The following BMAL2 variants were observed in gnomAD, a reference collection of about 807,000 sequenced individuals.
The protein encoded by BMAL2 is basic helix-loop-helix ARNT-like protein 2.
chr12:27,392,154 A>G, the BMAL2 span, among the ~76,000 whole-genome samples: 1 of 152,226 alleles, frequency 6.6e-6, no homozygotes, highest in African/African-American at 2.4e-5. Context: ...TAACTCAACT[A>G]TGTGACTTAA....
the BMAL2 span, chr12:27,418,320 G>T: frequency 3.1e-5 from 19 of 622,694 alleles, no homozygotes; most frequent in Middle Eastern, 5.2e-4. Flanking sequence ...GTTTTTTTCA[G>T]TTGAGCACAT....
At chr12:27,407,825 A>G in the BMAL2 span, among the ~76,000 whole-genome samples, 1 of 152,180 alleles carries the variant, frequency 6.6e-6, no homozygotes, top group Admixed American at 6.5e-5. Flanking sequence ...TGAAAAGATC[A>G]AAAAAATTGA....
chr12:27,355,086 C>T, the BMAL2 span, among the ~76,000 whole-genome samples: 4 of 152,232 alleles, frequency 2.6e-5, no homozygotes, highest in Non-Finnish European at 2.9e-5. Context: ...TTTATTTGAG[C>T]CTCATTGCCA....
chr12:27,420,432 A>T, the BMAL2 span: 5 of 1,613,888 alleles, frequency 3.1e-6, no homozygotes, highest in East Asian at 1.1e-4. Flanking sequence ...GCCCTATGTG[A>T]CAATGATGAC....
At chr12:27,337,113 C>G in the BMAL2 span, among the ~76,000 whole-genome samples, 100 of 152,128 alleles carry the variant, frequency 6.6e-4, 3 homozygotes, top group East Asian at 0.013. Context: ...TTTCTCTAGT[C>G]TTTAATCTTA....
the BMAL2 span, among the ~76,000 whole-genome samples, chr12:27,354,185 G>A: frequency 0.39 from 59,427 of 151,970 alleles, 12,255 homozygotes; most frequent in Admixed American, 0.49. Flanking sequence ...CATCAGTGGC[G>A]GACTGGACAA....
chr12:27,344,914 T>C, the BMAL2 span, among the ~76,000 whole-genome samples: 1 of 152,186 alleles, frequency 6.6e-6, no homozygotes, highest in Non-Finnish European at 1.5e-5. Flanking sequence ...TAAAAGATGA[T>C]ATTATTTGCA....
the BMAL2 span, among the ~76,000 whole-genome samples, chr12:27,354,248 T>G: frequency 2.0e-5 from 3 of 152,150 alleles, no homozygotes; most frequent in African/African-American, 7.2e-5. Context: ...TAAAAAAGAA[T>G]GCAGTCATGT....
At chr12:27,394,723 C>T in the BMAL2 span, 1 of 152,156 alleles carries the variant, frequency 6.6e-6, no homozygotes, top group Admixed American at 6.5e-5. Context: ...TATGTTGATG[C>T]CTTAATTCCC....
At chr12:27,376,509 T>A in the BMAL2 span, 1 of 773,876 alleles carries the variant, frequency 1.3e-6, no homozygotes, top group Non-Finnish European at 2.1e-6. Context: ...TTCTCTCTTG[T>A]TATGCTCTGA....
At chr12:27,359,217 T>C in the BMAL2 span, among the ~76,000 whole-genome samples, 5 of 152,168 alleles carry the variant, frequency 3.3e-5, no homozygotes, top group African/African-American at 1.2e-4. Context: ...CGCCTCCTTG[T>C]TTGTGAAGTA....
the BMAL2 span, among the ~76,000 whole-genome samples, chr12:27,378,767 C>G: frequency 2.6e-5 from 4 of 152,202 alleles, no homozygotes; most frequent in Non-Finnish European, 4.4e-5. Context: ...GAGGAAGGAA[C>G]AGCAGTTTAA....
the BMAL2 span, among the ~76,000 whole-genome samples, chr12:27,376,889 A>G: frequency 6.6e-6 from 1 of 151,002 alleles, no homozygotes; most frequent in South Asian, 2.1e-4. Context: ...AGTCCCAGCT[A>G]CTCGGGGGGA....
At chr12:27,373,285 T>C in the BMAL2 span, among the ~76,000 whole-genome samples, 7 of 152,256 alleles carry the variant, frequency 4.6e-5, no homozygotes, top group Middle Eastern at 3.4e-3. Flanking sequence ...CCACGTTTTC[T>C]GACTTGGGCT....
the BMAL2 span, among the ~76,000 whole-genome samples, chr12:27,351,406 A>G: frequency 1.7e-4 from 26 of 152,334 alleles, no homozygotes; most frequent in African/African-American, 6.0e-4. Context: ...ATGCTTTGAT[A>G]TCTGGGGCTT....
At chr12:27,365,655 T>C in the BMAL2 span, among the ~76,000 whole-genome samples, 7 of 151,992 alleles carry the variant, frequency 4.6e-5, no homozygotes, top group East Asian at 1.9e-4. Context: ...TTTAAATATT[T>C]AGCATGATTT....
chr12:27,370,681 C>G, the BMAL2 span, among the ~76,000 whole-genome samples: 5 of 152,136 alleles, frequency 3.3e-5, no homozygotes, highest in Non-Finnish European at 5.9e-5. Context: ...TCTCGGCTCA[C>G]TGCAACCTCC....
the BMAL2 span, among the ~76,000 whole-genome samples, chr12:27,400,319 T>A: frequency 6.6e-6 from 1 of 152,144 alleles, no homozygotes; most frequent in Non-Finnish European, 1.5e-5. Flanking sequence ...GTACATACAA[T>A]TTAGTTCCTG....
the BMAL2 span, among the ~76,000 whole-genome samples, chr12:27,406,439 C>A: frequency 2.6e-5 from 4 of 152,132 alleles, no homozygotes; most frequent in African/African-American, 9.7e-5. Flanking sequence ...GGCCAATATT[C>A]AACATTGTTA....
Sources: allele counts gnomAD v4.1 joint callset (sites outside exome capture counted in the v4.1 genomes callset), GRCh38; gene constraint gnomAD v4.1.1; transcripts MANE v1.5; gene names NCBI Gene and HGNC (gene_info 2026-07-23, HGNC 2026-07-21).